The following BEND2 variants were observed in gnomAD, a reference collection of about 807,000 sequenced individuals.
BEND2 encodes the protein BEN domain containing 2.
BEND2 carries 19 observed loss-of-function variants against 43.8 expected under a neutral mutation model. The ratio of observed to expected loss-of-function variants is 0.43; its 90% CI spans 0.30 to 0.64. BEND2 has a LOEUF of 0.64. Among genes scored for constraint, BEND2 ranks in the 30% least tolerant of loss-of-function variants. The probability of loss-of-function intolerance (pLI) is 0.11; values close to 1 mark genes in which losing one functional copy is unlikely to be tolerated. For synonymous variants in BEND2, 226 were observed against 210.1 expected (o/e 1.08, Z -0.66); for missense variants, 544 against 574.0 (o/e 0.95, Z 0.53).
At chrX:18,176,126 G>GA (rs746626350) in intron 10 of BEND2, 33 bp from the exon 11 acceptor site, 141 of 1,145,380 alleles carry the variant, frequency 1.2e-4, no homozygotes, top group Middle Eastern at 2.5e-4. Context: ...ACGAAAATTA[G>GA]AAAAAAAAAT....
At chrX:18,203,378 A>C in intron 5 of BEND2, 123 bp downstream of exon 5, 2 of 843,719 alleles carry the variant, frequency 2.4e-6, no homozygotes, top group Non-Finnish European at 3.3e-6. Flanking sequence ...CTACATATGA[A>C]TCTATAATGG....
At chrX:18,207,678 A>G (rs1259011583) in intron 4 of BEND2, among the ~76,000 whole-genome samples, 1 of 112,530 alleles carries the variant, frequency 8.9e-6, no homozygotes, top group Non-Finnish European at 1.9e-5. Context: ...ATGTATCACA[A>G]TGAGATGATA....
At chrX:18,190,668 A>G (rs1238032687) in intron 8 of BEND2, among the ~76,000 whole-genome samples, 2 of 110,325 alleles carry the variant, frequency 1.8e-5, no homozygotes, top group African/African-American at 6.6e-5. Context: ...GACAGTCTGT[A>G]TCATGACTAG....
intron 8 of BEND2, among the ~76,000 whole-genome samples, chrX:18,184,061 A>T (rs760420530): frequency 8.1e-5 from 9 of 111,700 alleles, no homozygotes; most frequent in Non-Finnish European, 1.5e-4. Context: ...GGCAAGACTC[A>T]GGGCTCTGCT....
At chrX:18,165,822 T>C (rs1269583271) in intron 13 of BEND2, among the ~76,000 whole-genome samples, 1 of 111,684 alleles carries the variant, frequency 9.0e-6, no homozygotes, top group Non-Finnish European at 1.9e-5. Context: ...AGGTGTTTAT[T>C]AGAAGAGCAG....
intron 7 of BEND2, among the ~76,000 whole-genome samples, chrX:18,193,671 T>TA (rs1342537765): frequency 1.8e-5 from 2 of 111,625 alleles, no homozygotes; most frequent in Admixed American, 9.6e-5. Context: ...AAGTTTAGTT[T>TA]AAAAAAACCT....
chrX:18,192,324 A>G (rs189563856), intron 7 of BEND2, among the ~76,000 whole-genome samples: 2 of 112,242 alleles, frequency 1.8e-5, no homozygotes, highest in Admixed American at 1.9e-4. Flanking sequence ...ATGAGGGAAA[A>G]CTGAAGTATT....
intron 8 of BEND2, among the ~76,000 whole-genome samples, chrX:18,183,251 A>G (rs1484638419): frequency 9.0e-6 from 1 of 111,026 alleles, no homozygotes; most frequent in Non-Finnish European, 1.9e-5. Flanking sequence ...CTCAATAAAT[A>G]TAAAAGAATT....
chrX:18,206,435 G>A (rs377090284), intron 4 of BEND2, among the ~76,000 whole-genome samples: 2 of 111,535 alleles, frequency 1.8e-5, no homozygotes, highest in East Asian at 5.7e-4. Flanking sequence ...CATTCCAGGA[G>A]CGAGGCTGTC....
Position 18,201,834 on chromosome X carries a change from G to A in BEND2, c.1014C>T (p.Val338=), listed in dbSNP as rs1925176342. The change falls in exon 6 of 14, where the codon GTC becomes GTT. Residue 338 remains valine, a synonymous_variant. Coordinates refer to ENST00000380033, the MANE Select transcript of BEND2 (RefSeq NM_153346.5). ...ACTCACCAAAATAGGGAGGGATGAA[G>A]ACAGATAAAGAGGCAGTATTTTGGC... The part of the protein sequence containing the change: ...YNGQNTASLS[V]FIPPYFAEKI... 1 of 1,208,345 alleles carries A rather than the reference G, an allele frequency of 8.3e-7. No homozygotes were observed. Among genetic ancestry groups the A allele is most frequent in the South Asian group, 1.8e-5 (1 of 56,313 alleles).
intron 11 of BEND2, among the ~76,000 whole-genome samples, chrX:18,174,992 C>A (rs1047961256): frequency 1.4e-4 from 16 of 111,617 alleles, no homozygotes; most frequent in African/African-American, 5.2e-4. Context: ...TGGCAAGGAC[C>A]TGTCCCATTC....
intron 4 of BEND2, among the ~76,000 whole-genome samples, chrX:18,208,588 CTT>C (rs1925413842): frequency 9.0e-6 from 1 of 111,093 alleles, no homozygotes; most frequent in Admixed American, 9.6e-5. Context: ...TTTTTAAATT[CTT>C]TTTGTTTCTC....
intron 7 of BEND2, among the ~76,000 whole-genome samples, chrX:18,194,362 C>A (rs1924870529): frequency 9.2e-6 from 1 of 108,281 alleles, no homozygotes; most frequent in African/African-American, 3.4e-5. Flanking sequence ...TTGCATTATC[C>A]AAAAATTGAA....
intron 8 of BEND2, among the ~76,000 whole-genome samples, chrX:18,181,287 T>A (rs752337189): frequency 9.0e-6 from 1 of 110,664 alleles, no homozygotes; most frequent in Non-Finnish European, 1.9e-5. Context: ...CACCTAAGAG[T>A]GAAATTGCTG....
intron 7 of BEND2, among the ~76,000 whole-genome samples, chrX:18,194,698 C>T (rs1279308330): frequency 1.8e-5 from 2 of 111,341 alleles, no homozygotes; most frequent in Non-Finnish European, 3.8e-5. Context: ...ACAACCTGGA[C>T]GAGTCTCTAA....
chrX:18,188,660 A>C (rs1167174838), intron 8 of BEND2, among the ~76,000 whole-genome samples: 1 of 111,999 alleles, frequency 8.9e-6, no homozygotes, highest in Admixed American at 9.5e-5. Flanking sequence ...AGAAAAGCTC[A>C]AGACCCAAAG....
intron 12 of BEND2, among the ~76,000 whole-genome samples, chrX:18,173,607 T>C (rs5909416): frequency 0.46 from 50,363 of 110,038 alleles, 8,626 homozygotes; most frequent in Middle Eastern, 0.51. Flanking sequence ...AAGCAGGAGG[T>C]GCCTTCAGCA....
chrX:18,180,798 T>C, intron 8 of BEND2, 148 bp from the exon 9 acceptor site: 1 of 466,173 alleles, frequency 2.1e-6, no homozygotes, highest in Non-Finnish European at 3.6e-6. Flanking sequence ...TCTTTCTTTT[T>C]TTTTTAGACT....
chrX:18,173,517 C>T (rs1311802432), intron 12 of BEND2, among the ~76,000 whole-genome samples: 1 of 111,851 alleles, frequency 8.9e-6, no homozygotes, highest in Non-Finnish European at 1.9e-5. Context: ...TAAAGTCCAG[C>T]GCCCTGGGAG....
Sources: allele counts gnomAD v4.1 joint callset (sites outside exome capture counted in the v4.1 genomes callset), GRCh38; gene constraint gnomAD v4.1.1; transcripts MANE v1.5; gene names NCBI Gene and HGNC (gene_info 2026-07-23, HGNC 2026-07-21).